SAMD4A: variants seen among roughly 807,000 people sequenced by gnomAD.
The protein encoded by SAMD4A is protein Smaug homolog 1.
Under a neutral mutation model 81.3 loss-of-function variants are expected in SAMD4A, and 33 were observed. The observed-to-expected ratio is 0.41, with a 90% CI of 0.31 to 0.54. The LOEUF (loss-of-function observed/expected upper bound fraction) is 0.54, where lower values mean the gene tolerates loss of function less well. Ranked by LOEUF, SAMD4A falls within the 20% of genes least tolerant of loss-of-function variation. The pLI is 0.37. For missense variants in SAMD4A, 854 were observed against 951.1 expected (o/e 0.90, Z 1.34); for synonymous variants, 389 against 382.1 (o/e 1.02, Z -0.21).
At chr14:54,602,977 AC>A (rs1247726687) in intron 2 of SAMD4A, among the ~76,000 whole-genome samples, 1 of 152,154 alleles carries the variant, frequency 6.6e-6, no homozygotes, top group Non-Finnish European at 1.5e-5. Context: ...ATCCCAGCCT[AC>A]CTTTTAACAG....
At chr14:54,787,626 C>A (rs557306461) in intron 12 of SAMD4A, among the ~76,000 whole-genome samples, 1 of 152,246 alleles carries the variant, frequency 6.6e-6, no homozygotes, top group Non-Finnish European at 1.5e-5. Context: ...CAGGGAGGCA[C>A]CCCACAGCCC....
At chr14:54,704,448 A>G (rs957737687) in intron 3 of SAMD4A, among the ~76,000 whole-genome samples, 3 of 152,190 alleles carry the variant, frequency 2.0e-5, no homozygotes, top group Non-Finnish European at 2.9e-5. Context: ...ATATATTTCT[A>G]TCTACTGATT....
chr14:54,670,917 G>A (rs1284606319), intron 2 of SAMD4A, among the ~76,000 whole-genome samples: 1 of 152,194 alleles, frequency 6.6e-6, no homozygotes, highest in African/African-American at 2.4e-5. Context: ...AAAGAAGGAA[G>A]TGTTCCTCAT....
At chr14:54,678,840 G>T (rs1280173696) in intron 2 of SAMD4A, among the ~76,000 whole-genome samples, 1 of 152,160 alleles carries the variant, frequency 6.6e-6, no homozygotes, top group Non-Finnish European at 1.5e-5. Context: ...GAGCCACCGC[G>T]CCCGGCCTGA....
chr14:54,720,965 A>C (rs2140859758), intron 3 of SAMD4A, among the ~76,000 whole-genome samples: 1 of 152,226 alleles, frequency 6.6e-6, no homozygotes, highest in Non-Finnish European at 1.5e-5. Context: ...CCAGCTTACA[A>C]CAGTTTGTTG....
At chr14:54,774,902 A>G in intron 9 of SAMD4A, 32 bp from the exon 10 acceptor site, 12 of 1,610,382 alleles carry the variant, frequency 7.5e-6, no homozygotes, top group Non-Finnish European at 1.0e-5. Flanking sequence ...ATAACGACTG[A>G]TATTCTCTTC....
At chr14:54,783,176 A>C (rs1028355724) in intron 11 of SAMD4A, among the ~76,000 whole-genome samples, 7 of 149,756 alleles carry the variant, frequency 4.7e-5, no homozygotes, top group African/African-American at 1.7e-4. Context: ...AAAAAAAAAC[A>C]AAAAGGATTT....
At chr14:54,578,635 C>T (rs1401397371) in intron 2 of SAMD4A, among the ~76,000 whole-genome samples, 1 of 151,810 alleles carries the variant, frequency 6.6e-6, no homozygotes, top group African/African-American at 2.4e-5. Context: ...TTGCTTGAAC[C>T]GAGGAGGCGG....
At chr14:54,669,445 CTTT>C (rs11406251) in intron 2 of SAMD4A, among the ~76,000 whole-genome samples, 13 of 103,314 alleles carry the variant, frequency 1.3e-4, no homozygotes, top group Non-Finnish European at 1.7e-4. Flanking sequence ...ACGCTTCTTT[CTTT>C]TTTTTTTTTT....
chr14:54,773,803 G>A (rs893876769), intron 9 of SAMD4A, among the ~76,000 whole-genome samples: 3 of 152,240 alleles, frequency 2.0e-5, no homozygotes, highest in Non-Finnish European at 4.4e-5. Context: ...ATTTGAGGAT[G>A]CGTCATGATG....
intron 2 of SAMD4A, among the ~76,000 whole-genome samples, chr14:54,587,888 G>A (rs1347046627): frequency 6.6e-6 from 1 of 152,132 alleles, no homozygotes; most frequent in Non-Finnish European, 1.5e-5. Flanking sequence ...GTATTAGGGT[G>A]ATACTGGCTT....
intron 2 of SAMD4A, among the ~76,000 whole-genome samples, chr14:54,658,446 G>A (rs535267897): frequency 5.9e-5 from 9 of 152,106 alleles, no homozygotes; most frequent in African/African-American, 2.2e-4. Context: ...TTCTCCTGCA[G>A]GGCCTCAGCC....
At chr14:54,667,983 G>A (rs11623863) in intron 2 of SAMD4A, among the ~76,000 whole-genome samples, 143,256 of 152,214 alleles carry the variant, frequency 0.94, 67,430 homozygotes, top group East Asian at 1. Context: ...TTGTCTTCCA[G>A]CTGTTCTCTC....
rs78455835 is a variant in SAMD4A, at chr14:54,748,316, T to C, written c.980-499T>C. On this transcript the variant is annotated intron_variant, in intron 4 of 12. Transcript: ENST00000554335. ...CTGTAGGAGTGGCTGAAACAGTGTG[T>C]GAAAATCTGCATTGAATGTACAAAA... Among the ~76,000 whole-genome samples, 269 of 152,344 alleles carry C rather than the reference T, an allele frequency of 1.8e-3. 1 individual carries two copies. Among genetic ancestry groups the C allele is most frequent in the African/African-American group, 6.2e-3 (257 of 41,572 alleles).
chr14:54,566,094 C>G (rs1213984101), upstream of SAMD4A, among the ~76,000 whole-genome samples: 1 of 151,544 alleles, frequency 6.6e-6, no homozygotes, highest in Non-Finnish European at 1.5e-5. Flanking sequence ...TGGGGAGCTC[C>G]GGCTCGGGCG....
At chr14:54,618,242 C>T (rs1445729900) in intron 2 of SAMD4A, among the ~76,000 whole-genome samples, 1 of 152,188 alleles carries the variant, frequency 6.6e-6, no homozygotes, top group African/African-American at 2.4e-5. Context: ...GTGAGCTGAT[C>T]ATGCACAGCT....
chr14:54,566,740 G>A (rs1477556616), upstream of SAMD4A, among the ~76,000 whole-genome samples: 1 of 151,848 alleles, frequency 6.6e-6, no homozygotes, highest in Non-Finnish European at 1.5e-5. Context: ...CAGGATGCCT[G>A]CCACACACGC....
Position 54,630,969 on chromosome 14 carries a change from C to T in SAMD4A, c.196+62857C>T, listed in dbSNP as rs531796623. 2.0e-5 allele frequency among the ~76,000 whole-genome samples: 3 copies of T among 147,792 alleles called. No individual in the cohort carries two copies. In the South Asian group the frequency reaches 6.4e-4, roughly 32 times the overall value. On this transcript the variant is annotated intron_variant, in intron 2 of 12. Coordinates refer to ENST00000554335, the MANE Select transcript of SAMD4A (RefSeq NM_015589.6). ...GTGTGTGTGTGTGATGAGAAATCGG[C>T]TCACATGTGTATGAAGGCTGACAAG...
chr14:54,626,041 TGTGTGTGTGTGTGTGTGTGCGCGC>T (rs1473181615), intron 2 of SAMD4A, among the ~76,000 whole-genome samples: 330 of 132,566 alleles, frequency 2.5e-3, no homozygotes, highest in African/African-American at 9.7e-3. Flanking sequence ...TGTGTGTGTG[TGTGTGTGTGTGTGTGTGTGCGCGC>T]GCGCGCGCGC....
Sources: allele counts gnomAD v4.1 joint callset (sites outside exome capture counted in the v4.1 genomes callset), GRCh38; gene constraint gnomAD v4.1.1; transcripts MANE v1.5; gene names NCBI Gene and HGNC (gene_info 2026-07-23, HGNC 2026-07-21).